The following PTP4A1 variants were observed in gnomAD, a reference collection of about 807,000 sequenced individuals.
PTP4A1 encodes protein tyrosine phosphatase type IVA 1.
A neutral mutation model predicts 20.5 loss-of-function variants in PTP4A1; 9 were observed. The ratio of observed to expected loss-of-function variants is 0.44; its 90% CI spans 0.26 to 0.77. The LOEUF (loss-of-function observed/expected upper bound fraction) is 0.77, where lower values mean the gene tolerates loss of function less well. Among genes scored for constraint, PTP4A1 ranks in the 30% least tolerant of loss-of-function variants. PTP4A1 has a pLI of 0.19. For synonymous variants in PTP4A1, 78 were observed against 67.4 expected (o/e 1.16, Z -0.77); for missense variants, 137 against 218.8 (o/e 0.63, Z 2.36).
intron 3 of PTP4A1, among the ~76,000 whole-genome samples, chr6:63,561,810 T>A (rs1776964688): frequency 6.6e-6 from 1 of 152,188 alleles, no homozygotes; most frequent in South Asian, 2.1e-4. Context: ...TATAATCAGA[T>A]CAACTATCCA....
intron 2 of PTP4A1, among the ~76,000 whole-genome samples, chr6:63,544,839 T>C (rs1409484272): frequency 6.6e-6 from 1 of 152,188 alleles, no homozygotes; most frequent in Non-Finnish European, 1.5e-5. Context: ...ACTGAAGATA[T>C]TAACTTTGGT....
At chr6:63,532,960 T>C (rs1775536101) in intron 2 of PTP4A1, among the ~76,000 whole-genome samples, 1 of 152,360 alleles carries the variant, frequency 6.6e-6, no homozygotes, top group South Asian at 2.1e-4. Context: ...CTTCATCCTA[T>C]GGCATGGGAA....
chr6:63,559,584 A>G (rs908003587), intron 3 of PTP4A1, among the ~76,000 whole-genome samples: 1 of 152,034 alleles, frequency 6.6e-6, no homozygotes, highest in Non-Finnish European at 1.5e-5. Context: ...GTCTCTACTA[A>G]AAATACAAAA....
chr6:63,526,014 C>T (rs1775149434), intron 1 of PTP4A1, among the ~76,000 whole-genome samples: 1 of 152,142 alleles, frequency 6.6e-6, no homozygotes, highest in Admixed American at 6.6e-5. Context: ...GTTTCAACCA[C>T]TATATTTTAT....
chr6:63,575,845 T>C (rs1466011323), intron 1 of PTP4A1, among the ~76,000 whole-genome samples: 1 of 152,106 alleles, frequency 6.6e-6, no homozygotes, highest in Non-Finnish European at 1.5e-5. Context: ...AGTGAGATTC[T>C]AAATATAGGA....
chr6:63,528,424 T>C lies in PTP4A1; in HGVS notation c.-640+340T>C, dbSNP rs191736600. Among the ~76,000 whole-genome samples the C allele has an allele frequency of 2.1e-3, 316 of 151,254 alleles. 1 individual carries two copies. The highest frequency in any genetic ancestry group is 0.01 in the Middle Eastern group (3 of 288). On this transcript the variant is annotated intron_variant, in intron 2 of 3. Transcript: ENST00000639568. ...CAGCCTGGGAGACACAGTGAATCTC[T>C]GTCTTTTTTTTTTTTTAAGGCCGGG...
At chr6:63,574,612 T>G (rs1346916790) in intron 1 of PTP4A1, among the ~76,000 whole-genome samples, 1 of 152,210 alleles carries the variant, frequency 6.6e-6, no homozygotes, top group African/African-American at 2.4e-5. Context: ...GACTAGGTTG[T>G]AGCCGACAGG....
chr6:63,570,285 T>C (rs966271773), upstream of PTP4A1, among the ~76,000 whole-genome samples: 1 of 152,182 alleles, frequency 6.6e-6, no homozygotes, highest in African/African-American at 2.4e-5. Context: ...GAGCAAAGAT[T>C]GCACCACTGT....
intron 3 of PTP4A1, among the ~76,000 whole-genome samples, chr6:63,565,285 C>T (rs1264726939): frequency 6.6e-6 from 1 of 151,708 alleles, no homozygotes; most frequent in African/African-American, 2.4e-5. Flanking sequence ...CTATATTAAG[C>T]GGCAGAGTTA....
In PTP4A1 at chr6:63,572,609, C is replaced by T; in HGVS notation, c.-556C>T. Reference sequence around the variant, plus strand: ...TGCATCGCCGCCACCGCCGCTCCGCCACGACCACCGCCGCCTCCTGCCCTG... The same window carrying T: ...TGCATCGCCGCCACCGCCGCTCCGCTACGACCACCGCCGCCTCCTGCCCTG... On this transcript the variant is annotated 5_prime_UTR_variant, in exon 1 of 6. Transcript: ENST00000626021. The T allele has an allele frequency of 2.4e-6, 1 of 419,888 alleles. No homozygotes were observed. The highest frequency in any genetic ancestry group is 3.5e-5 in the East Asian group (1 of 28,634). 26.0% of individuals were successfully genotyped at this position (419,888 alleles called of 1,614,324 possible).
rs1333212681 is a variant in PTP4A1 at position 63,583,219 on chromosome 6, CAATG to C, written c.*3048_*3051del. On this transcript the variant is annotated 3_prime_UTR_variant, in exon 6 of 6. Transcript: ENST00000626021. ...ATGATATTTTTCTTTTACATGTAAACAATGAAGTTATTTCAAAGTTAAGTTTTAA... is the reference window on the plus strand; with the variant it reads ...ATGATATTTTTCTTTTACATGTAAACAAGTTATTTCAAAGTTAAGTTTTAA... The C allele has an allele frequency of 1.3e-5, 2 of 152,082 alleles. No individual in the cohort carries two copies. Among genetic ancestry groups the C allele is most frequent in the Admixed American group, 6.6e-5 (1 of 15,262 alleles). The allele number at this position is 152,082 out of a possible 1,614,324, so 9.4% of individuals were successfully genotyped here. A position where few individuals can be genotyped will look rare whatever the true frequency, so the allele number is the denominator to read the frequency against.
intron 3 of PTP4A1, among the ~76,000 whole-genome samples, chr6:63,556,275 C>T (rs1776683337): frequency 6.6e-6 from 1 of 152,146 alleles, no homozygotes; most frequent in Non-Finnish European, 1.5e-5. Flanking sequence ...CCTCCTGCCT[C>T]AGCCTCCAGA....
intron 2 of PTP4A1, among the ~76,000 whole-genome samples, chr6:63,542,432 A>T (rs986747181): frequency 1.8e-4 from 27 of 152,268 alleles, no homozygotes; most frequent in African/African-American, 6.0e-4. Flanking sequence ...GAAATAAAAA[A>T]AAAAACTCTC....
chr6:63,549,034 G>T (rs1274300235), intron 2 of PTP4A1: 6 of 727,126 alleles, frequency 8.3e-6, no homozygotes, highest in Non-Finnish European at 1.5e-5. Flanking sequence ...TCCACGTCGT[G>T]TGCAATCACC....
At chr6:63,567,446 G>C (rs1777238985) in intron 3 of PTP4A1, among the ~76,000 whole-genome samples, 1 of 152,172 alleles carries the variant, frequency 6.6e-6, no homozygotes, top group Admixed American at 6.5e-5. Flanking sequence ...CATGTGCATT[G>C]TCAAGGAGCA....
chr6:63,532,032 C>A (rs544901349), intron 2 of PTP4A1, among the ~76,000 whole-genome samples: 1 of 152,238 alleles, frequency 6.6e-6, no homozygotes, highest in African/African-American at 2.4e-5. Context: ...AACTCTTGAC[C>A]TTGTGATACA....
chr6:63,521,220 A>C (rs1303137371), upstream of PTP4A1, among the ~76,000 whole-genome samples: 1 of 152,182 alleles, frequency 6.6e-6, no homozygotes, highest in Non-Finnish European at 1.5e-5. Flanking sequence ...CCCAAAACTT[A>C]AAGTAAAATA....
chr6:63,521,713 T>C (rs1367056179), upstream of PTP4A1: 3 of 152,302 alleles, frequency 2.0e-5, no homozygotes, highest in Admixed American at 2.0e-4. Flanking sequence ...CATTAACAGA[T>C]AGACTTAAGC....
chr6:63,535,486 A>G (rs1294039476), intron 2 of PTP4A1, among the ~76,000 whole-genome samples: 1 of 152,158 alleles, frequency 6.6e-6, no homozygotes, highest in African/African-American at 2.4e-5. Context: ...AAAAAAAGCA[A>G]TAATATGCAT....
Sources: allele counts gnomAD v4.1 joint callset (sites outside exome capture counted in the v4.1 genomes callset), GRCh38; gene constraint gnomAD v4.1.1; transcripts MANE v1.5; gene names NCBI Gene and HGNC (gene_info 2026-07-23, HGNC 2026-07-21).